Variants in PTPRD observed in about 807,000 individuals in gnomAD.
PTPRD encodes the protein receptor-type tyrosine-protein phosphatase delta.
A neutral mutation model predicts 214.5 loss-of-function variants in PTPRD; 34 were observed. The ratio of observed to expected loss-of-function variants is 0.16; its 90% confidence interval spans 0.12 to 0.21. PTPRD has a LOEUF of 0.21. PTPRD is among the 10% of genes least tolerant of loss of function. The pLI, the probability that PTPRD is intolerant of heterozygous loss-of-function variation, is 1.00. For missense variants in PTPRD, 2,545 were observed against 2,398.7 expected, an observed-to-expected ratio of 1.06 and a Z score of -1.27; for synonymous variants, 1,128 against 845.7, an observed-to-expected ratio of 1.33 and a Z score of -5.79.
chr9:9,759,155 C>T (rs1220702114), intron 6 of PTPRD, among the ~76,000 whole-genome samples: 2 of 152,086 alleles, frequency 1.3e-5, no homozygotes, highest in Non-Finnish European at 2.9e-5. Flanking sequence ...TCCCTAGCTC[C>T]TTTTTCACAG....
At chr9:9,365,778 C>G (rs2139370284) in intron 9 of PTPRD, among the ~76,000 whole-genome samples, 1 of 151,546 alleles carries the variant, frequency 6.6e-6, no homozygotes, top group Non-Finnish European at 1.5e-5. Context: ...ATGGGTCTCT[C>G]AAACAGACAT....
At chr9:8,878,804 G>C (rs1247770069) in intron 11 of PTPRD, among the ~76,000 whole-genome samples, 2 of 152,138 alleles carry the variant, frequency 1.3e-5, no homozygotes, top group East Asian at 3.9e-4. Context: ...ATTGGGAAGG[G>C]ATTACAGCAT....
intron 2 of PTPRD, among the ~76,000 whole-genome samples, chr9:10,472,329 T>C (rs2099036328): frequency 6.6e-6 from 1 of 152,152 alleles, no homozygotes; most frequent in South Asian, 2.1e-4. Flanking sequence ...ACCTTGAAAT[T>C]AAATGTTTGT....
At chr9:9,542,030 C>G (rs2077698814) in intron 8 of PTPRD, among the ~76,000 whole-genome samples, 1 of 151,546 alleles carries the variant, frequency 6.6e-6, no homozygotes, top group Non-Finnish European at 1.5e-5. Flanking sequence ...AGAGACAACA[C>G]AGTAGAGAAA....
At chr9:9,375,859 G>A in intron 9 of PTPRD, among the ~76,000 whole-genome samples, 1 of 152,044 alleles carries the variant, frequency 6.6e-6, no homozygotes, top group Non-Finnish European at 1.5e-5. Context: ...TCCAGGAATG[G>A]ATAATGATGA....
chr9:9,030,954 G>A, intron 10 of PTPRD, among the ~76,000 whole-genome samples: 1 of 151,940 alleles, frequency 6.6e-6, no homozygotes, highest in Non-Finnish European at 1.5e-5. Context: ...ATCTCTCAGT[G>A]GAATGAAGAA....
intron 7 of PTPRD, among the ~76,000 whole-genome samples, chr9:9,681,395 A>C (rs544783221): frequency 6.6e-6 from 1 of 151,802 alleles, no homozygotes; most frequent in African/African-American, 2.4e-5. Context: ...CTCTTTCATT[A>C]TCTCCTCTAC....
At chr9:10,219,961 A>G (rs563371489) in intron 3 of PTPRD, among the ~76,000 whole-genome samples, 2 of 151,960 alleles carry the variant, frequency 1.3e-5, no homozygotes, top group Non-Finnish European at 2.9e-5. Flanking sequence ...AGTATGATCT[A>G]TGATTTCTAT....
chr9:9,868,697 T>G (rs1393645915), intron 5 of PTPRD, among the ~76,000 whole-genome samples: 6 of 149,438 alleles, frequency 4.0e-5, no homozygotes, highest in Non-Finnish European at 8.8e-5. Flanking sequence ...GATACACACC[T>G]AGGAATATCC....
intron 3 of PTPRD, among the ~76,000 whole-genome samples, chr9:10,039,196 C>T (rs941129936): frequency 2.0e-5 from 3 of 152,000 alleles, no homozygotes; most frequent in African/African-American, 7.2e-5. Context: ...TTGAAATCAT[C>T]TACAAAAATT....
intron 3 of PTPRD, among the ~76,000 whole-genome samples, chr9:10,058,171 C>G (rs2154164389): frequency 6.6e-6 from 1 of 152,090 alleles, no homozygotes; most frequent in South Asian, 2.1e-4. Flanking sequence ...TCTAGTGATT[C>G]TCATTGAGAA....
At chr9:10,088,144 T>G (rs978151102) in intron 3 of PTPRD, among the ~76,000 whole-genome samples, 2 of 151,794 alleles carry the variant, frequency 1.3e-5, no homozygotes, top group African/African-American at 4.8e-5. Context: ...TTAGCAAACT[T>G]GCTGTTAGAG....
intron 4 of PTPRD, among the ~76,000 whole-genome samples, chr9:9,947,123 T>G (rs2092670399): frequency 1.3e-5 from 2 of 148,974 alleles, no homozygotes; most frequent in African/African-American, 4.9e-5. Flanking sequence ...AGTTGACACG[T>G]CCCTTTATCA....
chr9:8,444,124 C>T (rs1282306403), intron 34 of PTPRD, among the ~76,000 whole-genome samples: 1 of 152,020 alleles, frequency 6.6e-6, no homozygotes, highest in East Asian at 1.9e-4. Context: ...GCAGAAATAG[C>T]AATGATGGTG....
intron 3 of PTPRD, among the ~76,000 whole-genome samples, chr9:10,247,088 CT>C (rs1306525041): frequency 6.6e-6 from 1 of 152,036 alleles, no homozygotes; most frequent in Admixed American, 6.6e-5. Flanking sequence ...TGTAAGGCAA[CT>C]TTACTAGAAA....
intron 9 of PTPRD, among the ~76,000 whole-genome samples, chr9:9,266,583 C>G (rs1201510845): frequency 1.3e-5 from 2 of 149,254 alleles, no homozygotes; most frequent in African/African-American, 2.5e-5. Context: ...AACTAGGTAT[C>G]AATAAGTGAA....
chr9:10,268,169 A>G (rs1329241144), intron 3 of PTPRD, among the ~76,000 whole-genome samples: 1 of 137,610 alleles, frequency 7.3e-6, no homozygotes, highest in East Asian at 2.1e-4. Flanking sequence ...GTGCTTGTTT[A>G]GTCTTAGCTA....
chr9:10,286,472 TA>T (rs897270510), intron 3 of PTPRD, among the ~76,000 whole-genome samples: 10 of 151,720 alleles, frequency 6.6e-5, no homozygotes, highest in Non-Finnish European at 1.0e-4. Context: ...AATTAAAAAT[TA>T]AAAAAAAATT....
chr9:10,336,105 C>CATA (rs2096839735), intron 3 of PTPRD, among the ~76,000 whole-genome samples: 1 of 151,698 alleles, frequency 6.6e-6, no homozygotes, highest in Non-Finnish European at 1.5e-5. Context: ...CCCCACGGAG[C>CATA]TGAAAACTTA....
Sources: gnomAD v4.1 joint callset for allele counts (sites outside exome capture counted in the v4.1 genomes callset) on GRCh38, gnomAD v4.1.1 for gene constraint, MANE v1.5 for transcripts, NCBI Gene and HGNC (gene_info 2026-07-23, HGNC 2026-07-21) for gene names.